Variants in SCYL3 observed in about 807,000 individuals in gnomAD.
The protein encoded by SCYL3 is protein-associating with the carboxyl-terminal domain of ezrin.
In SCYL3, 35 loss-of-function variants were observed where a neutral mutation model predicts 73.8. The ratio of observed to expected loss-of-function variants is 0.47; its 90% CI spans 0.36 to 0.63. SCYL3 has a LOEUF of 0.63. Ranked by LOEUF, SCYL3 falls within the 20% of genes least tolerant of loss-of-function variation. SCYL3 has a pLI of 0.00. For synonymous variants in SCYL3, 277 were observed against 295.2 expected (o/e 0.94, Z 0.63); for missense variants, 712 against 798.9 (o/e 0.89, Z 1.31).
At chr1:169,887,399 T>C (rs1447249516) in intron 2 of SCYL3, among the ~76,000 whole-genome samples, 3 of 152,122 alleles carry the variant, frequency 2.0e-5, no homozygotes, top group African/African-American at 4.8e-5. Flanking sequence ...CCATAAAGTG[T>C]AACACAATTT....
At chr1:169,891,380 T>C (rs988909852) in intron 1 of SCYL3, among the ~76,000 whole-genome samples, 10 of 152,198 alleles carry the variant, frequency 6.6e-5, no homozygotes, top group African/African-American at 1.9e-4. Context: ...TAACATCCCA[T>C]TGACACCCTT....
Position 169,850,358 on chromosome 1 carries a change from C to T in SCYL3, c.*3355G>A. Reference sequence around the variant, plus strand: ...CTTTCTGGAGAAGGTACTTTCTTTACATGGCTCATGTTTTATTCTTTGTCC... The same window carrying T: ...CTTTCTGGAGAAGGTACTTTCTTTATATGGCTCATGTTTTATTCTTTGTCC... On this transcript the variant is annotated 3_prime_UTR_variant, in exon 13 of 13. Transcript: ENST00000367771. 5 of 1,545,200 alleles carry T rather than the reference C, an allele frequency of 3.2e-6. No homozygotes were observed. Among genetic ancestry groups the T allele is most frequent in the Non-Finnish European group, 4.5e-6 (5 of 1,122,696 alleles).
chr1:169,870,759 T>C (rs1189545839), intron 5 of SCYL3, among the ~76,000 whole-genome samples: 1 of 152,106 alleles, frequency 6.6e-6, no homozygotes, highest in African/African-American at 2.4e-5. Context: ...TTTATTCTTT[T>C]TTTTTTTATA....
At chr1:169,858,288 T>C (rs909223380) in intron 11 of SCYL3, among the ~76,000 whole-genome samples, 11 of 152,356 alleles carry the variant, frequency 7.2e-5, no homozygotes, top group Non-Finnish European at 1.6e-4. Context: ...TTGAAACTTT[T>C]TTGTTAAAAT....
At chr1:169,865,622 C>T (rs6656363) in intron 8 of SCYL3, among the ~76,000 whole-genome samples, 3 of 152,170 alleles carry the variant, frequency 2.0e-5, no homozygotes, top group African/African-American at 7.2e-5. Flanking sequence ...TTCCTTGACC[C>T]CATTTGCTTC....
intron 3 of SCYL3, 54 bp from the exon 4 acceptor site, chr1:169,876,145 A>G: frequency 9.7e-7 from 1 of 1,032,786 alleles, no homozygotes; most frequent in Non-Finnish European, 1.4e-6. Flanking sequence ...CTGAAATAGA[A>G]ATTTACTTCA....
intron 5 of SCYL3, among the ~76,000 whole-genome samples, chr1:169,872,390 GA>G (rs1219036561): frequency 6.6e-6 from 1 of 152,266 alleles, no homozygotes; most frequent in African/African-American, 2.4e-5. Flanking sequence ...GATTTCAGAA[GA>G]TGTATGGAAA....
intron 10 of SCYL3, among the ~76,000 whole-genome samples, chr1:169,862,125 C>T (rs1476582436): frequency 6.6e-6 from 1 of 152,170 alleles, no homozygotes; most frequent in East Asian, 1.9e-4. Flanking sequence ...TGCTTTAAGC[C>T]ATTATAATTT....
intron 7 of SCYL3, among the ~76,000 whole-genome samples, chr1:169,868,192 T>C (rs1363268640): frequency 6.6e-6 from 1 of 152,210 alleles, no homozygotes; most frequent in Admixed American, 6.5e-5. Flanking sequence ...TAGAGGTAAT[T>C]TTCCCCACTT....
At chr1:169,893,173 G>T (rs543175324) in intron 1 of SCYL3, among the ~76,000 whole-genome samples, 2 of 152,098 alleles carry the variant, frequency 1.3e-5, no homozygotes. Flanking sequence ...TTCGAGACCC[G>T]ACTCCGAGAA....
chr1:169,864,797 T>G (rs1659912922), intron 8 of SCYL3, among the ~76,000 whole-genome samples: 1 of 151,850 alleles, frequency 6.6e-6, no homozygotes, highest in Non-Finnish European at 1.5e-5. Flanking sequence ...CCATCTCTAC[T>G]AAAAGTACAA....
chr1:169,893,544 C>A (rs1455469333), intron 1 of SCYL3, among the ~76,000 whole-genome samples: 1 of 152,134 alleles, frequency 6.6e-6, no homozygotes, highest in African/African-American at 2.4e-5. Flanking sequence ...GGCGCCTCAC[C>A]CGTCGGGGGC....
intron 5 of SCYL3, among the ~76,000 whole-genome samples, chr1:169,871,095 T>C (rs1660357515): frequency 6.6e-6 from 1 of 152,218 alleles, no homozygotes; most frequent in Non-Finnish European, 1.5e-5. Flanking sequence ...CAGCTAGAGA[T>C]AGATGAATGG....
At chr1:169,854,155 G>GCATGA in intron 12 of SCYL3, 115 bp downstream of exon 12, 4 of 753,032 alleles carry the variant, frequency 5.3e-6, no homozygotes, top group Non-Finnish European at 8.2e-6. Flanking sequence ...TTAATTTTGT[G>GCATGA]CTTGACTTGA....
In SCYL3 at chr1:169,852,857, T is replaced by C. The variant is rs1180792722; in HGVS notation, c.*856A>G. ...GAGTACAGGTCAGCGCTGCATACAA[T>C]AGCAGGGGCTTTGGAAGCAACTGAG... On this transcript the variant is annotated 3_prime_UTR_variant, in exon 13 of 13. Coordinates refer to ENST00000367771, the MANE Select transcript of SCYL3 (RefSeq NM_020423.7). 1 of 1,614,100 alleles carries C rather than the reference T, an allele frequency of 6.2e-7. No individual in the cohort carries two copies.
chr1:169,883,279 C>CA lies in SCYL3; in HGVS notation c.166-4461dup, dbSNP rs1177145937. On this transcript the variant is annotated intron_variant, in intron 2 of 12. Coordinates refer to ENST00000367771, the MANE Select transcript of SCYL3 (RefSeq NM_020423.7). Reference sequence around the variant, plus strand: ...TGCTGATCTGACAGGAGACAGAACTCAGATGGTAATGCTCGCGTGCCCACT... The same window carrying CA: ...TGCTGATCTGACAGGAGACAGAACTCAAGATGGTAATGCTCGCGTGCCCACT... Among the ~76,000 whole-genome samples, 7 of 152,210 alleles carry CA rather than the reference C, an allele frequency of 4.6e-5. No homozygotes were observed. The East Asian group carries it at 1.3e-3, about 29-fold the overall frequency.
At chr1:169,890,514 C>T (rs190222917) in intron 1 of SCYL3, among the ~76,000 whole-genome samples, 84 of 152,240 alleles carry the variant, frequency 5.5e-4, no homozygotes, top group Non-Finnish European at 9.7e-4. Context: ...GGAATTTTTC[C>T]CCACTTCGGT....
chr1:169,864,341 A>G (rs899266252), intron 9 of SCYL3, 28 bp downstream of exon 9: 10 of 1,613,890 alleles, frequency 6.2e-6, no homozygotes, highest in Middle Eastern at 1.6e-4. Context: ...CTTCTTAACT[A>G]GCAATAACAC....
Position 169,852,109 on chromosome 1 carries a change from G to T in SCYL3, c.*1604C>A. The T allele has an allele frequency of 1.3e-6, 1 of 770,436 alleles. No individual in the cohort carries two copies. The highest frequency in any genetic ancestry group is 2.1e-6 in the Non-Finnish European group (1 of 470,158). 47.7% of individuals were successfully genotyped at this position (770,436 alleles called of 1,614,324 possible). A position where few individuals can be genotyped will look rare whatever the true frequency, so the allele number is the denominator to read the frequency against. ...AGTTGCTTTTAAAATTAAGAAGTGG[G>T]ACTACACCATATCAAATATATTCTT... On this transcript the variant is annotated 3_prime_UTR_variant, in exon 13 of 13. Coordinates refer to ENST00000367771, the MANE Select transcript of SCYL3 (RefSeq NM_020423.7).
Sources: allele counts gnomAD v4.1 joint callset (sites outside exome capture counted in the v4.1 genomes callset), GRCh38; gene constraint gnomAD v4.1.1; transcripts MANE v1.5; gene names NCBI Gene and HGNC (gene_info 2026-07-23, HGNC 2026-07-21).